Variants in HIVEP1 observed in about 807,000 individuals in gnomAD.
HIVEP1 encodes the protein HIVEP zinc finger 1.
A neutral mutation model predicts 180.0 loss-of-function variants in HIVEP1; 36 were observed. The ratio of observed to expected loss-of-function variants is 0.20; its 90% confidence interval spans 0.15 to 0.26. The LOEUF is 0.26. Ranked by LOEUF, HIVEP1 falls within the 10% of genes least tolerant of loss-of-function variation. HIVEP1 has a pLI of 1.00. For missense variants in HIVEP1, 3,143 were observed against 3,268.7 expected (o/e 0.96, Z 0.94); for synonymous variants, 1,239 against 1,239.0 (o/e 1.00, Z 0.00).
intron 7 of HIVEP1, among the ~76,000 whole-genome samples, chr6:12,137,674 C>A (rs1191846579): frequency 2.0e-5 from 3 of 151,776 alleles, no homozygotes; most frequent in African/African-American, 7.3e-5. Context: ...GGAGTTTTGC[C>A]AAGTGCTGTG....
intron 7 of HIVEP1, among the ~76,000 whole-genome samples, chr6:12,143,964 A>G (rs546532209): frequency 3.9e-5 from 6 of 152,214 alleles, no homozygotes; most frequent in Non-Finnish European, 7.3e-5. Context: ...ATACTGCCCA[A>G]GGTAATTTAT....
chr6:12,140,898 G>A (rs561808066), intron 7 of HIVEP1, among the ~76,000 whole-genome samples: 4 of 152,314 alleles, frequency 2.6e-5, no homozygotes, highest in African/African-American at 7.2e-5. Context: ...TTTGATTGGT[G>A]TACCTGAAAG....
At chr6:12,166,414 T>G (rs1157244886), downstream of HIVEP1, among the ~76,000 whole-genome samples, 3 of 152,234 alleles carry the variant, frequency 2.0e-5, no homozygotes, top group Non-Finnish European at 4.4e-5. Flanking sequence ...AATGCTGTAA[T>G]GTACCTTACT....
chr6:12,096,361 G>A (rs1773781913), intron 3 of HIVEP1, among the ~76,000 whole-genome samples: 1 of 151,882 alleles, frequency 6.6e-6, no homozygotes, highest in South Asian at 2.1e-4. Flanking sequence ...CATGATTTAT[G>A]CCCTGAAATA....
At chr6:12,151,976 T>G (rs1759733196) in intron 7 of HIVEP1, among the ~76,000 whole-genome samples, 1 of 152,040 alleles carries the variant, frequency 6.6e-6, no homozygotes, top group South Asian at 2.1e-4. Context: ...GACAACATGG[T>G]GAAACCCCAT....
rs1760569931 is a variant in HIVEP1 at position 12,163,823 on chromosome 6, G to A, written c.7519G>A (p.Ala2507Thr). ...NIVGLANTNMAPQVHPPGLAL... is the reference protein window; with the variant it reads ...NIVGLANTNMTPQVHPPGLAL... ...TGTAGGCCTAGCCAATACAAATATG[G>A]CCCCACAAGTCCATCCACCAGGACT... is the stretch of plus-strand genomic sequence containing the variant. Residue 2507 changes from alanine (A) to threonine (T), a missense_variant, in exon 9 of 9, where the codon GCC becomes ACC. Physicochemically the swap from Ala to Thr is moderately conservative, Grantham distance 58. This residue lies in a region of HIVEP1 where 595 missense variants were observed against 602.2 expected (regional missense o/e 0.99). Coordinates refer to ENST00000379388, the MANE Select transcript of HIVEP1 (RefSeq NM_002114.4). The A allele has an allele frequency of 6.2e-7, 1 of 1,614,062 alleles. No homozygotes were observed. The highest frequency in any genetic ancestry group is 1.3e-5 in the African/African-American group (1 of 74,988).
At chr6:12,111,913 A>G (rs114044414) in intron 3 of HIVEP1, among the ~76,000 whole-genome samples, 1,606 of 152,338 alleles carry the variant, frequency 0.011, 30 homozygotes, top group African/African-American at 0.036. Context: ...TATTTCACCC[A>G]CCATGCTGCC....
the HIVEP1 span, among the ~76,000 whole-genome samples, chr6:12,186,965 TAA>T: frequency 5.9e-5 from 9 of 151,600 alleles, 1 homozygote; most frequent in East Asian, 1.6e-3. Flanking sequence ...AATCTGGAAC[TAA>T]AAAAGTCAGA....
intron 2 of HIVEP1, among the ~76,000 whole-genome samples, chr6:12,071,181 T>C (rs1771945427): frequency 6.6e-6 from 1 of 152,234 alleles, no homozygotes; most frequent in Non-Finnish European, 1.5e-5. Flanking sequence ...TTTCTGTTTC[T>C]TCATTTGTTC....
At chr6:12,021,428 T>G (rs1395425144) in intron 2 of HIVEP1, among the ~76,000 whole-genome samples, 1 of 152,238 alleles carries the variant, frequency 6.6e-6, no homozygotes, top group Non-Finnish European at 1.5e-5. Flanking sequence ...GGGAGATGTC[T>G]CTGCTAAAGA....
upstream of HIVEP1, chr6:12,012,310 G>A (rs1322668645): frequency 1.3e-5 from 2 of 149,268 alleles, no homozygotes; most frequent in African/African-American, 4.9e-5. Flanking sequence ...GGTGGTGTGA[G>A]CGCCAGTCGC....
the HIVEP1 span, among the ~76,000 whole-genome samples, chr6:12,196,993 G>A: frequency 1.3e-5 from 2 of 152,184 alleles, no homozygotes; most frequent in Non-Finnish European, 2.9e-5. Flanking sequence ...AAAATGTGAA[G>A]TTTAGAAAGA....
intron 2 of HIVEP1, among the ~76,000 whole-genome samples, chr6:12,027,943 G>T (rs1262106379): frequency 6.6e-6 from 1 of 152,164 alleles, no homozygotes; most frequent in Non-Finnish European, 1.5e-5. Context: ...ATATTTTCGT[G>T]TTATGGTTTT....
chr6:12,176,529 G>A, the HIVEP1 span, among the ~76,000 whole-genome samples: 4,873 of 152,190 alleles, frequency 0.032, 98 homozygotes, highest in Non-Finnish European at 0.045. Flanking sequence ...ACCGTGCCCG[G>A]CCAGTCTTGG....
the HIVEP1 span, among the ~76,000 whole-genome samples, chr6:12,175,980 C>T: frequency 5.3e-5 from 8 of 152,074 alleles, no homozygotes; most frequent in Admixed American, 5.2e-4. Flanking sequence ...CAGGCCTGTC[C>T]GGAGACCAGC....
At position 12,123,542 on chromosome 6, in the gene HIVEP1, T is replaced by C. The variant is rs749324118; in HGVS notation, c.3747T>C (p.Ala1249=). The C allele has an allele frequency of 1.5e-5, 24 of 1,613,906 alleles. No individual in the cohort carries two copies. Among genetic ancestry groups the C allele is most frequent in the South Asian group, 6.6e-5 (6 of 91,080 alleles). The change falls in exon 4 of 9, where the codon GCT becomes GCC. Residue 1249 remains alanine (A), a synonymous_variant. Transcript: ENST00000379388. The stretch of plus-strand genomic sequence containing the variant: ...AAGAACCAGATCGAGACCTGGAAGC[T>C]CAATGCCATGATCAAGAAAAGTCAG... The part of the protein sequence containing the change: ...VTEEPDRDLE[A]QCHDQEKSEK...
intron 3 of HIVEP1, among the ~76,000 whole-genome samples, chr6:12,107,767 C>G (rs111870657): frequency 1.3e-5 from 2 of 152,094 alleles, no homozygotes; most frequent in African/African-American, 2.4e-5. Flanking sequence ...GAAGGGGACC[C>G]GAGCGGGTTG....
chr6:12,143,071 G>C (rs989467534), intron 7 of HIVEP1, among the ~76,000 whole-genome samples: 4 of 152,104 alleles, frequency 2.6e-5, no homozygotes, highest in African/African-American at 9.7e-5. Context: ...GCCTGGCAGA[G>C]ACATAACAAA....
At chr6:12,143,036 A>G (rs890300991) in intron 7 of HIVEP1, among the ~76,000 whole-genome samples, 1 of 152,256 alleles carries the variant, frequency 6.6e-6, no homozygotes, top group Non-Finnish European at 1.5e-5. Context: ...TCATTTCATG[A>G]GGCCAGCATC....
Sources: gnomAD v4.1 joint callset for allele counts (sites outside exome capture counted in the v4.1 genomes callset) on GRCh38, gnomAD v4.1.1 for gene constraint, gnomAD v4.1.1 regional missense constraint, MANE v1.5 for transcripts, NCBI Gene and HGNC (gene_info 2026-07-23, HGNC 2026-07-21) for gene names.